The following PMFBP1 variants were observed in gnomAD, a reference collection of about 807,000 sequenced individuals.
The protein encoded by PMFBP1 is polyamine modulated factor 1 binding protein 1, also known as polyamine-modulated factor 1-binding protein 1.
In PMFBP1, 131 loss-of-function variants were observed where a neutral mutation model predicts 137.8. That is an observed-to-expected ratio of 0.95 (90% CI 0.82 to 1.10). PMFBP1 has a LOEUF of 1.10. Ranked by LOEUF, PMFBP1 falls within the 50% of genes least tolerant of loss-of-function variation. PMFBP1 has a pLI of 0.00. For synonymous variants in PMFBP1, 490 were observed against 450.4 expected (o/e 1.09, Z -1.11); for missense variants, 1,199 against 1,175.4 (o/e 1.02, Z -0.29).
At chr16:72,198,639 GT>G in the PMFBP1 span, among the ~76,000 whole-genome samples, 1 of 152,104 alleles carries the variant, frequency 6.6e-6, no homozygotes. Flanking sequence ...TTCAGTAGTA[GT>G]TTTTTCTCCC....
the PMFBP1 span, among the ~76,000 whole-genome samples, chr16:72,243,656 T>C: frequency 6.6e-6 from 1 of 152,102 alleles, no homozygotes; most frequent in Non-Finnish European, 1.5e-5. Context: ...GGAAGGGAGA[T>C]TCAGCAGGAC....
intron 5 of PMFBP1, among the ~76,000 whole-genome samples, chr16:72,142,331 G>T (rs1008138276): frequency 5.3e-5 from 8 of 152,158 alleles, no homozygotes; most frequent in African/African-American, 1.4e-4. Flanking sequence ...AGGAATAGGA[G>T]AAATATTCTC....
At chr16:72,159,584 T>C (rs971799566) in intron 3 of PMFBP1, among the ~76,000 whole-genome samples, 1 of 152,210 alleles carries the variant, frequency 6.6e-6, no homozygotes, top group African/African-American at 2.4e-5. Flanking sequence ...ATTTGCACAC[T>C]ATAGATATCA....
At chr16:72,238,735 A>C in the PMFBP1 span, among the ~76,000 whole-genome samples, 1 of 152,160 alleles carries the variant, frequency 6.6e-6, no homozygotes, top group Admixed American at 6.5e-5. Context: ...TGTCTCCAAA[A>C]CATGGGACAA....
intron 4 of PMFBP1, among the ~76,000 whole-genome samples, chr16:72,153,488 G>A (rs1194905713): frequency 6.6e-6 from 1 of 152,098 alleles, no homozygotes; most frequent in African/African-American, 2.4e-5. Flanking sequence ...CAGGATGGAA[G>A]AGTACGTCTG....
chr16:72,198,871 C>A, the PMFBP1 span, among the ~76,000 whole-genome samples: 6 of 148,848 alleles, frequency 4.0e-5, no homozygotes, highest in African/African-American at 1.5e-4. Context: ...CCGCCGATCA[C>A]AGAACACTCA....
upstream of PMFBP1, among the ~76,000 whole-genome samples, chr16:72,178,051 C>T (rs2043264497): frequency 1.3e-5 from 2 of 152,104 alleles, no homozygotes; most frequent in Admixed American, 1.3e-4. Flanking sequence ...ACCACCAAGC[C>T]TGGCTAATTT....
the PMFBP1 span, among the ~76,000 whole-genome samples, chr16:72,239,844 C>T: frequency 1.4e-5 from 2 of 140,912 alleles, no homozygotes. Context: ...CAAGATTGCA[C>T]CACTGCACTC....
At chr16:72,130,769 G>T in intron 10 of PMFBP1, 47 bp from the exon 11 acceptor site, 1 of 1,529,466 alleles carries the variant, frequency 6.5e-7, no homozygotes. Flanking sequence ...GGTGTATGAA[G>T]ATCACACTCT....
intron 3 of PMFBP1, among the ~76,000 whole-genome samples, chr16:72,161,104 T>G (rs8055216): frequency 0.041 from 6,137 of 149,744 alleles, 391 homozygotes; most frequent in African/African-American, 0.14. Flanking sequence ...CTTTTTTTTT[T>G]TTTTTTTTTT....
Position 72,124,791 on chromosome 16 carries a change from C to T in PMFBP1, c.2565G>A (p.Glu855=), listed in dbSNP as rs750141358. The T allele has an allele frequency of 1.2e-6, 2 of 1,614,062 alleles. No homozygotes were observed. The highest frequency in any genetic ancestry group is 1.1e-5 in the South Asian group (1 of 91,078). Residue 855 remains glutamate (E), a synonymous_variant, in exon 17 of 21, where the codon GAG becomes GAA. Transcript: ENST00000237353. ...EFQEEMAALK[E]NLLEDDKEPC... is the part of the protein sequence containing the mutation. ...CCTCCTTATCGTCCTCAAGGAGGTTCTCTTTTAAGGCGGCCATCTCCTCCT... is the reference window on the plus strand; with the variant it reads ...CCTCCTTATCGTCCTCAAGGAGGTTTTCTTTTAAGGCGGCCATCTCCTCCT...
chr16:72,216,616 A>G, the PMFBP1 span, among the ~76,000 whole-genome samples: 1 of 152,206 alleles, frequency 6.6e-6, no homozygotes, highest in Admixed American at 6.5e-5. Context: ...GCTATTAAGG[A>G]GATAAACTCA....
At chr16:72,209,161 G>C in the PMFBP1 span, among the ~76,000 whole-genome samples, 43 of 152,304 alleles carry the variant, frequency 2.8e-4, no homozygotes, top group Non-Finnish European at 4.7e-4. Context: ...TTAAAGAAGA[G>C]CGTACAAATA....
the PMFBP1 span, among the ~76,000 whole-genome samples, chr16:72,236,337 G>A: frequency 6.6e-6 from 1 of 152,130 alleles, no homozygotes; most frequent in East Asian, 1.9e-4. Context: ...GAAGAGGATA[G>A]GAAACAAAAT....
the PMFBP1 span, among the ~76,000 whole-genome samples, chr16:72,237,724 T>A: frequency 1.3e-4 from 20 of 152,156 alleles, no homozygotes; most frequent in Non-Finnish European, 7.4e-5. Context: ...GGGTTTGTTC[T>A]ACAGATTATT....
intron 4 of PMFBP1, 34 bp from the exon 5 acceptor site, chr16:72,150,863 A>C (rs1247757192): frequency 1.3e-6 from 2 of 1,574,290 alleles, no homozygotes; most frequent in Admixed American, 3.3e-5. Context: ...CATTGAGCCC[A>C]TGGAAGCACG....
the PMFBP1 span, among the ~76,000 whole-genome samples, chr16:72,222,111 T>A: frequency 6.6e-6 from 1 of 152,112 alleles, no homozygotes; most frequent in East Asian, 1.9e-4. Context: ...AGAGTTGGGG[T>A]TGCAATCCTG....
intron 5 of PMFBP1, among the ~76,000 whole-genome samples, chr16:72,143,274 G>T (rs184769776): frequency 6.6e-6 from 1 of 152,296 alleles, no homozygotes; most frequent in Non-Finnish European, 1.5e-5. Context: ...AGGCAAAGAG[G>T]CTACAATTCC....
chr16:72,141,099 T>A (rs1367632708), intron 5 of PMFBP1, among the ~76,000 whole-genome samples: 1 of 152,066 alleles, frequency 6.6e-6, no homozygotes, highest in Non-Finnish European at 1.5e-5. Context: ...CATGCCGGGC[T>A]AATTTTTTTG....
Sources: allele counts gnomAD v4.1 joint callset (sites outside exome capture counted in the v4.1 genomes callset), GRCh38; gene constraint gnomAD v4.1.1; transcripts MANE v1.5; gene names NCBI Gene and HGNC (gene_info 2026-07-23, HGNC 2026-07-21).